ATM: variants seen among roughly 807,000 people sequenced by gnomAD.
The protein encoded by ATM is ATM serine/threonine kinase.
A neutral mutation model predicts 387.0 loss-of-function variants in ATM; 308 were observed. The observed-to-expected ratio is 0.80, with a 90% CI of 0.73 to 0.87. The LOEUF is 0.87. ATM is among the 40% of genes least tolerant of loss of function. The probability of loss-of-function intolerance (pLI) is 0.00; values close to 1 mark genes in which losing one functional copy is unlikely to be tolerated. For missense variants in ATM, 3,312 were observed against 3,560.9 expected (o/e 0.93, Z 1.78); for synonymous variants, 1,156 against 1,187.3 (o/e 0.97, Z 0.54).
At position 108,367,112 on chromosome 11, in the gene ATM, C is replaced by T. The variant is rs227091; in HGVS notation, c.*1604C>T. On this transcript the variant is annotated 3_prime_UTR_variant, in exon 63 of 63. Coordinates refer to ENST00000675843, the MANE Select transcript of ATM (RefSeq NM_000051.4). ...AAGCAATTCTCCTGCCTCAGCCTCC[C>T]GAGTAGCTGGGACTACAGGCGTGTG... 94,831 of 179,358 alleles carry T rather than the reference C, an allele frequency of 0.53. 25,966 individuals are homozygous for T. Among genetic ancestry groups the T allele is most frequent in the Middle Eastern group, 0.73 (344 of 470 alleles). 11.1% of individuals were successfully genotyped at this position (179,358 alleles called of 1,614,324 possible). A position where few individuals can be genotyped will look rare whatever the true frequency, so the allele number is the denominator to read the frequency against.
At chr11:108,274,355 GTGTC>G (rs1399344967) in intron 22 of ATM, among the ~76,000 whole-genome samples, 1 of 151,968 alleles carries the variant, frequency 6.6e-6, no homozygotes, top group African/African-American at 2.4e-5. Context: ...TTGTGTGTGT[GTGTC>G]TCTATCTCCT....
intron 40 of ATM, 74 bp downstream of exon 40, chr11:108,312,572 A>G (rs776685938): frequency 5.9e-5 from 62 of 1,059,510 alleles, no homozygotes; most frequent in Non-Finnish European, 8.5e-5. Flanking sequence ...TAGACACTGT[A>G]CAGATGCCAT....
intron 5 of ATM, among the ~76,000 whole-genome samples, chr11:108,237,868 A>G (rs552478103): frequency 3.3e-5 from 5 of 149,662 alleles, no homozygotes; most frequent in African/African-American, 1.0e-4. Flanking sequence ...TTTCCAATCC[A>G]TGAACACTGT....
At position 108,343,271 on chromosome 11, in the gene ATM, C is replaced by A. The variant is rs786203321; in HGVS notation, c.8318C>A (p.Thr2773Asn). ...GGTGTTCTTGAATGGTGCACAGGAACTGTCCCCATTGGTGAATTTCTTGTT... is the reference window on the plus strand; with the variant it reads ...GGTGTTCTTGAATGGTGCACAGGAAATGTCCCCATTGGTGAATTTCTTGTT... ...RSGVLEWCTG[T>N]VPIGEFLVNN... The change falls in exon 57 of 63, where the codon ACT (threonine) becomes AAT (asparagine). Residue 2773 changes from threonine to asparagine, a missense_variant. Transcript: ENST00000675843. The A allele has an allele frequency of 6.2e-7, 1 of 1,614,024 alleles. No individual in the cohort carries two copies. The highest frequency in any genetic ancestry group is 8.5e-7 in the Non-Finnish European group (1 of 1,179,918).
intron 56 of ATM, among the ~76,000 whole-genome samples, chr11:108,339,124 T>C (rs2087191600): frequency 6.6e-6 from 1 of 152,226 alleles, no homozygotes; most frequent in African/African-American, 2.4e-5. Flanking sequence ...ATTGTGTATG[T>C]TGATAGCTCA....
chr11:108,268,010 G>T (rs2081357772), intron 17 of ATM, among the ~76,000 whole-genome samples: 1 of 152,146 alleles, frequency 6.6e-6, no homozygotes, highest in South Asian at 2.1e-4. Context: ...CACATGTTAT[G>T]AATGCCTGTT....
chr11:108,247,138 T>C lies in ATM; in HGVS notation c.1065+11T>C. ...GATATCTGTCACCAGGTACAGTAAG[T>C]AGGTCATGTCACATTTAGAAATTTC... On this transcript the variant is annotated intron_variant, in intron 8 of 62. Transcript: ENST00000675843. 6.2e-7 allele frequency: 1 copy of C among 1,613,486 alleles called. No homozygotes were observed. Among genetic ancestry groups the C allele is most frequent in the South Asian group, 1.1e-5 (1 of 90,942 alleles).
intron 34 of ATM, among the ~76,000 whole-genome samples, chr11:108,300,295 T>C (rs2083358829): frequency 6.6e-6 from 1 of 152,212 alleles, no homozygotes; most frequent in African/African-American, 2.4e-5. Context: ...AGAGAGGTTG[T>C]TTTATAATCC....
chr11:108,242,402 C>CA (rs1169885555), intron 5 of ATM, among the ~76,000 whole-genome samples: 4 of 152,152 alleles, frequency 2.6e-5, no homozygotes, highest in African/African-American at 9.7e-5. Flanking sequence ...TGTGCACTCT[C>CA]ACCACTCCTT....
chr11:108,298,674 A>C (rs2083249832), intron 33 of ATM, among the ~76,000 whole-genome samples: 1 of 152,228 alleles, frequency 6.6e-6, no homozygotes, highest in Non-Finnish European at 1.5e-5. Flanking sequence ...TCAACAGTGT[A>C]CTGGAAGTTC....
Position 108,267,169 on chromosome 11 carries a change from A to C in ATM, c.2467-2A>C, listed in dbSNP as rs1555082050. The stretch of plus-strand genomic sequence containing the variant: ...GAACATCTTTGTTTCTCTTCCTTGA[A>C]GGCATCCTTCATCAAAAAGCCATTT... On this transcript the variant is annotated splice_acceptor_variant, in intron 16 of 62. Transcript: ENST00000675843. LOFTEE classifies it high-confidence loss of function. 4.3e-6 allele frequency: 7 copies of C among 1,613,766 alleles called. No homozygotes were observed. Among genetic ancestry groups the C allele is most frequent in the Non-Finnish European group, 5.9e-6 (7 of 1,179,886 alleles).
Position 108,298,051 on chromosome 11 carries a change from G to A in ATM, c.5005+669G>A, listed in dbSNP as rs4988021. Among the ~76,000 whole-genome samples the A allele has an allele frequency of 2.0e-3, 308 of 152,260 alleles. 2 individuals are homozygous for A. Among genetic ancestry groups the A allele is most frequent in the African/African-American group, 7.0e-3 (289 of 41,550 alleles). On this transcript the variant is annotated intron_variant, in intron 33 of 62. Coordinates refer to ENST00000675843, the MANE Select transcript of ATM (RefSeq NM_000051.4). ...AGACATAAGAATGAAGACTTGGAGG[G>A]CTAGATTAAACTTAAATAATTAAAA...
At position 108,281,027 on chromosome 11, in the gene ATM, T is replaced by A. The variant is rs2082204446; in HGVS notation, c.3435T>A (p.Asp1145Glu). ...GTGCTGAGAACCCTGAAACTTTGGA[T>A]GAAATTTATAATAGAAAATCTGTTT... ...SHSAENPETL[D>E]EIYNRKSVLL... is the part of the protein sequence containing the mutation. The change falls in exon 24 of 63, where the codon GAT (aspartate) becomes GAA (glutamate). Residue 1145 changes from aspartate (D) to glutamate (E), a missense_variant. Physicochemically the swap from Asp to Glu is conservative, Grantham distance 45. This residue lies in a region of ATM where 1,791 missense variants were observed against 1,804.5 expected (regional missense o/e 0.99). Transcript: ENST00000675843. 2 of 1,613,370 alleles carry A rather than the reference T, an allele frequency of 1.2e-6. No homozygotes were observed. The highest frequency in any genetic ancestry group is 2.2e-5 in the South Asian group (2 of 90,962).
At chr11:108,276,535 A>G (rs764404381) in intron 22 of ATM, among the ~76,000 whole-genome samples, 3 of 152,032 alleles carry the variant, frequency 2.0e-5, no homozygotes, top group Admixed American at 2.0e-4. Context: ...TGACTTTTGT[A>G]TGGGGTTTCT....
chr11:108,229,523 C>T, intron 4 of ATM, 200 bp downstream of exon 4: 1 of 523,230 alleles, frequency 1.9e-6, no homozygotes, highest in African/African-American at 1.9e-5. Flanking sequence ...TCAAGTGAAG[C>T]AGTGGGAGTT....
rs56355831 is a variant in ATM, at chr11:108,287,648, T to C, written c.4042T>C (p.Leu1348=). 1,653 of 1,613,870 alleles carry C rather than the reference T, an allele frequency of 1.0e-3. 14 individuals carry two copies. In the African/African-American group the frequency reaches 0.018, roughly 18 times the overall value. ...TTTACCAGAGATTGTGGTGGAGTTA[T>C]TGATGACGTTACATGAGCCAGCAAA... ...SNLPEIVVEL[L]MTLHEPANSS... The change falls in exon 27 of 63, where the codon TTG becomes CTG. Residue 1348 remains leucine, a synonymous_variant. Transcript: ENST00000675843.
In ATM at chr11:108,251,076, A is replaced by G. The variant is rs762770768; in HGVS notation, c.1607+4A>G. 6.2e-7 allele frequency: 1 copy of G among 1,614,010 alleles called. No individual in the cohort carries two copies. On this transcript the variant is annotated splice_donor_region_variant and intron_variant, in intron 10 of 62. Coordinates refer to ENST00000675843, the MANE Select transcript of ATM (RefSeq NM_000051.4). ...GGTCAGCCTGCAGACCTTCATGGTA[A>G]GTTCAGCATGCATTATGTCTGACTT... is the stretch of plus-strand genomic sequence containing the variant.
chr11:108,312,347 A>G, intron 39 of ATM, 64 bp from the exon 40 acceptor site: 2 of 1,202,082 alleles, frequency 1.7e-6, no homozygotes, highest in Non-Finnish European at 1.2e-6. Flanking sequence ...AGTCTATAGT[A>G]TATGTATTCA....
chr11:108,353,961 A>G, intron 60 of ATM, 81 bp downstream of exon 60: 1 of 1,372,906 alleles, frequency 7.3e-7, no homozygotes. Context: ...TGCACCTGTA[A>G]TCCCAGCTGC....
Sources: gnomAD v4.1 joint callset for allele counts (sites outside exome capture counted in the v4.1 genomes callset) on GRCh38, gnomAD v4.1.1 for gene constraint, gnomAD v4.1.1 regional missense constraint, MANE v1.5 for transcripts, NCBI Gene and HGNC (gene_info 2026-07-23, HGNC 2026-07-21) for gene names.